The following UPF3A variants were observed in gnomAD, a reference collection of about 807,000 sequenced individuals.
UPF3A encodes regulator of nonsense transcripts 3A.
In UPF3A, 42 loss-of-function variants were observed where a neutral mutation model predicts 53.5. The ratio of observed to expected loss-of-function variants is 0.78; its 90% CI spans 0.61 to 1.01. UPF3A has a LOEUF of 1.01. Ranked by LOEUF, UPF3A falls within the 50% of genes least tolerant of loss-of-function variation. The pLI is 0.00. For missense variants in UPF3A, 575 were observed against 598.0 expected, an observed-to-expected ratio of 0.96 and a Z score of 0.40; for synonymous variants, 237 against 225.3, an observed-to-expected ratio of 1.05 and a Z score of -0.47.
rs552671813 is a variant in UPF3A at position 114,286,580 on chromosome 13, C to A, written c.582C>A (p.Asn194Lys). Residue 194 changes from asparagine to lysine, a missense_variant, in exon 5 of 10, where the codon AAC becomes AAA. This residue lies in a region of UPF3A where 323 missense variants were observed against 415.2 expected (regional missense o/e 0.78). Coordinates refer to ENST00000375299, the MANE Select transcript of UPF3A (RefSeq NM_023011.4). ...TGGAGGAAGAGAAGACCAGTGCCAACCCTGAGACTCTGCTGGGGGAGATGG... is the reference window on the plus strand; with the variant it reads ...TGGAGGAAGAGAAGACCAGTGCCAAACCTGAGACTCTGCTGGGGGAGATGG... ...YCVEEEKTSA[N>K]PETLLGEMEA... The A allele has an allele frequency of 2.4e-5, 39 of 1,613,980 alleles. No homozygotes were observed. Among genetic ancestry groups the A allele is most frequent in the Admixed American group, 8.3e-5 (5 of 59,990 alleles).
At chr13:114,293,287 G>A (rs923681740) in intron 7 of UPF3A, among the ~76,000 whole-genome samples, 20 of 151,364 alleles carry the variant, frequency 1.3e-4, no homozygotes, top group Middle Eastern at 3.4e-3. Flanking sequence ...AGGAGGCTGA[G>A]GCAGGAGAAT....
In UPF3A at chr13:114,286,660, T is replaced by C. The variant is rs772382290; in HGVS notation, c.631+31T>C. ...TTTTGCTCATTTCTTCTCTTTTCTT[T>C]ATTGAGAGATTTACTCGTAGAGGAT... On this transcript the variant is annotated intron_variant, in intron 5 of 9. Coordinates refer to ENST00000375299, the MANE Select transcript of UPF3A (RefSeq NM_023011.4). The C allele has an allele frequency of 5.2e-6, 8 of 1,538,782 alleles. 1 individual carries two copies. In the South Asian group the frequency reaches 9.4e-5, roughly 18 times the overall value.
At chr13:114,303,778 C>A (rs1263640622) in intron 9 of UPF3A, among the ~76,000 whole-genome samples, 3 of 152,164 alleles carry the variant, frequency 2.0e-5, no homozygotes, top group Non-Finnish European at 4.4e-5. Context: ...AAGAGTGTAA[C>A]TTTGTCTCAG....
intron 5 of UPF3A, among the ~76,000 whole-genome samples, chr13:114,288,059 C>T (rs1002653987): frequency 4.6e-5 from 7 of 152,214 alleles, no homozygotes; most frequent in Non-Finnish European, 7.3e-5. Flanking sequence ...CCTGCCTCAG[C>T]CTCCCAAAGT....
chr13:114,303,353 G>T (rs2086764890), intron 9 of UPF3A, among the ~76,000 whole-genome samples: 1 of 152,208 alleles, frequency 6.6e-6, no homozygotes, highest in Non-Finnish European at 1.5e-5. Context: ...ATTTGCTCCT[G>T]TGTTTAGCCT....
chr13:114,286,150 T>A (rs771288718), intron 3 of UPF3A, 152 bp from the exon 4 acceptor site: 143 of 1,016,530 alleles, frequency 1.4e-4, no homozygotes, highest in Non-Finnish European at 1.8e-4. Context: ...ATCTTTTTTT[T>A]AATCTCTTAC....
chr13:114,298,350 G>A (rs1346278135), intron 7 of UPF3A, among the ~76,000 whole-genome samples: 5 of 151,138 alleles, frequency 3.3e-5, no homozygotes, highest in Non-Finnish European at 5.9e-5. Context: ...TCCAGCCTGG[G>A]CAACAAGAGT....
intron 7 of UPF3A, among the ~76,000 whole-genome samples, chr13:114,297,697 C>G (rs1461475800): frequency 6.6e-6 from 1 of 152,144 alleles, no homozygotes; most frequent in Non-Finnish European, 1.5e-5. Context: ...GGCACGGTGG[C>G]AGGAGCCTGT....
chr13:114,299,959 ACTT>A (rs1365005219), intron 8 of UPF3A, among the ~76,000 whole-genome samples: 6 of 152,118 alleles, frequency 3.9e-5, no homozygotes, highest in Admixed American at 1.3e-4. Context: ...TATTTTTTCT[ACTT>A]CTTGGGAGTT....
rs752305817 is a variant in UPF3A at position 114,286,610 on chromosome 13, G to A, written c.612G>A (p.Ala204=). Reference sequence around the variant, plus strand: ...AGACTCTGCTGGGGGAGATGGAGGCGAAGACAAGAGAGCTCATTGGTCTGT... The same window carrying A: ...AGACTCTGCTGGGGGAGATGGAGGCAAAGACAAGAGAGCTCATTGGTCTGT... ...NPETLLGEME[A]KTRELIARRT... is the part of the protein sequence containing the mutation. Residue 204 remains alanine (A), a synonymous_variant, in exon 5 of 10, where the codon GCG becomes GCA. Coordinates refer to ENST00000375299, the MANE Select transcript of UPF3A (RefSeq NM_023011.4). 48 of 1,613,030 alleles carry A rather than the reference G, an allele frequency of 3.0e-5. No homozygotes were observed. The Admixed American group carries it at 3.0e-4, about 10-fold the overall frequency.
At position 114,302,167 on chromosome 13, in the gene UPF3A, T is replaced by G. The variant is rs999932795; in HGVS notation, c.1302+142T>G. On this transcript the variant is annotated intron_variant, in intron 9 of 9. Coordinates refer to ENST00000375299, the MANE Select transcript of UPF3A (RefSeq NM_023011.4). ...TTTCAAGAGCAGTTTTTCCTGAAAG[T>G]CAGATCCCAGAGTGAGACTAGTCAT... 4 of 735,380 alleles carry G rather than the reference T, an allele frequency of 5.4e-6. No individual in the cohort carries two copies. The African/African-American group carries it at 7.2e-5, about 13-fold the overall frequency. The allele number at this position is 735,380 out of a possible 1,614,324, so 45.6% of individuals were successfully genotyped here.
chr13:114,282,285 C>T, intron 2 of UPF3A, 158 bp downstream of exon 2: 4 of 836,676 alleles, frequency 4.8e-6, no homozygotes, highest in Non-Finnish European at 5.3e-6. Context: ...TCCGTTCCGT[C>T]AAAGAAAAAT....
rs1477593430 is a variant in UPF3A, at chr13:114,290,797, A to G, written c.632-692A>G. ...TGCCCAGGCTGGAGTGCAGTGGCGCAATCTCGGCTCACTGCAACCTCCTCC... is the reference window on the plus strand; with the variant it reads ...TGCCCAGGCTGGAGTGCAGTGGCGCGATCTCGGCTCACTGCAACCTCCTCC... On this transcript the variant is annotated intron_variant, in intron 5 of 9. Coordinates refer to ENST00000375299, the MANE Select transcript of UPF3A (RefSeq NM_023011.4). Among the ~76,000 whole-genome samples the G allele has an allele frequency of 7.4e-5, 11 of 147,818 alleles. No homozygotes were observed. In the East Asian group the frequency reaches 2.0e-3, roughly 27 times the overall value.
At chr13:114,297,426 G>T (rs2086153671) in intron 7 of UPF3A, among the ~76,000 whole-genome samples, 1 of 152,158 alleles carries the variant, frequency 6.6e-6, no homozygotes, top group Non-Finnish European at 1.5e-5. Context: ...GTAGGAAGCA[G>T]CCTTTTAAAA....
chr13:114,283,514 G>A (rs936017133), intron 3 of UPF3A: 2 of 152,832 alleles, frequency 1.3e-5, no homozygotes, highest in Non-Finnish European at 1.5e-5. Flanking sequence ...AGGTTTTCAT[G>A]AGTGAGTTTG....
chr13:114,294,278 G>C (rs1456592467), intron 7 of UPF3A, among the ~76,000 whole-genome samples: 1 of 150,950 alleles, frequency 6.6e-6, no homozygotes, highest in South Asian at 2.1e-4. Flanking sequence ...TTTGGTGGGG[G>C]GGGGGTTTGA....
chr13:114,282,107 G>C lies in UPF3A; in HGVS notation c.294G>C (p.Glu98Asp), dbSNP rs1031182192. The C allele has an allele frequency of 7.7e-5, 121 of 1,571,364 alleles. No individual in the cohort carries two copies. The highest frequency in any genetic ancestry group is 1.0e-4 in the Non-Finnish European group (120 of 1,159,402). ...CGCTGCCAGCACACGACTACTTCGA[G>C]TTCTTCGCCGCCGACCTGAGGTGAG... Reference protein sequence around the residue: ...LRPLPAHDYFEFFAADLSLYP... With the variant: ...LRPLPAHDYFDFFAADLSLYP... The change falls in exon 2 of 10, where the codon GAG becomes GAC. Residue 98 changes from glutamate (E) to aspartate (D), a missense_variant. By Grantham distance (45) the Glu-to-Asp change is conservative. This residue lies in a region of UPF3A where 252 missense variants were observed against 182.7 expected (regional missense o/e 1.38). Coordinates refer to ENST00000375299, the MANE Select transcript of UPF3A (RefSeq NM_023011.4).
chr13:114,285,602 A>C (rs1398484054), intron 3 of UPF3A: 1 of 152,214 alleles, frequency 6.6e-6, no homozygotes, highest in Admixed American at 6.5e-5. Context: ...GTTCCATTTG[A>C]TGATTCAGCA....
At chr13:114,293,638 C>G (rs1257359360) in intron 7 of UPF3A, among the ~76,000 whole-genome samples, 2 of 152,092 alleles carry the variant, frequency 1.3e-5, no homozygotes, top group African/African-American at 2.4e-5. Context: ...CTCCTCAGTA[C>G]TAAACCTAGA....
Sources: gnomAD v4.1 joint callset for allele counts (sites outside exome capture counted in the v4.1 genomes callset) on GRCh38, gnomAD v4.1.1 for gene constraint, gnomAD v4.1.1 regional missense constraint, MANE v1.5 for transcripts, NCBI Gene and HGNC (gene_info 2026-07-23, HGNC 2026-07-21) for gene names.